TMEM232: variants seen among roughly 807,000 people sequenced by gnomAD.
TMEM232 encodes the protein transmembrane protein 232.
Under a neutral mutation model 78.8 loss-of-function variants are expected in TMEM232, and 80 were observed. The observed-to-expected ratio is 1.01, with a 90% CI of 0.85 to 1.22. TMEM232 has a LOEUF of 1.22. TMEM232 is among the 50% of genes most tolerant of loss of function. The probability of loss-of-function intolerance (pLI) is 0.00; values close to 1 mark genes in which losing one functional copy is unlikely to be tolerated. For synonymous variants in TMEM232, 297 were observed against 254.3 expected, an observed-to-expected ratio of 1.17 and a Z score of -1.60; for missense variants, 881 against 742.2, an observed-to-expected ratio of 1.19 and a Z score of -2.17.
rs566972481 is a variant in TMEM232 at position 110,732,450 on chromosome 5, A to G, written c.-13+2453T>C. ...TGGGAACAAAAAGAGGTTTAATTGG[A>G]CTTACAGTTCCACATGGCTGCAGAG... On this transcript the variant is annotated intron_variant, in intron 2 of 4. Transcript: ENST00000512886. Among the ~76,000 whole-genome samples, 5 of 152,334 alleles carry G rather than the reference A, an allele frequency of 3.3e-5. No homozygotes were observed. In the East Asian group the frequency reaches 9.6e-4, roughly 29 times the overall value.
intron 1 of TMEM232, among the ~76,000 whole-genome samples, chr5:110,700,866 G>A (rs1795368519): frequency 6.6e-6 from 1 of 151,660 alleles, no homozygotes; most frequent in Non-Finnish European, 1.5e-5. Context: ...TGACACAAGA[G>A]CTACCTTTTC....
chr5:110,400,346 G>A (rs956668011), intron 2 of TMEM232, among the ~76,000 whole-genome samples: 3 of 152,018 alleles, frequency 2.0e-5, no homozygotes, highest in African/African-American at 7.2e-5. Context: ...ATTTTGATGT[G>A]AGAAATACAA....
chr5:110,700,785 GGTAGATAGA>G (rs1561538107), intron 1 of TMEM232, among the ~76,000 whole-genome samples: 18 of 141,878 alleles, frequency 1.3e-4, no homozygotes, highest in South Asian at 6.8e-4. Context: ...TAGATAGATA[GGTAGATAGA>G]TAGATAGATA....
At chr5:110,448,251 A>C (rs1759880871) in intron 12 of TMEM232, among the ~76,000 whole-genome samples, 1 of 152,090 alleles carries the variant, frequency 6.6e-6, no homozygotes, top group Non-Finnish European at 1.5e-5. Context: ...AAGAACTTAG[A>C]ATAAATTACC....
intron 10 of TMEM232, among the ~76,000 whole-genome samples, chr5:110,571,239 A>G (rs1353609490): frequency 2.0e-5 from 3 of 152,062 alleles, no homozygotes; most frequent in South Asian, 2.1e-4. Flanking sequence ...CCTAGCATAT[A>G]GCAAAGTGCC....
chr5:110,691,389 T>C (rs75126523), intron 1 of TMEM232, among the ~76,000 whole-genome samples: 105 of 152,230 alleles, frequency 6.9e-4, no homozygotes, highest in Non-Finnish European at 1.4e-3. Context: ...AAACTGCTAA[T>C]GTGATGAATG....
chr5:110,526,907 T>C (rs1770688764), intron 12 of TMEM232, among the ~76,000 whole-genome samples: 1 of 151,972 alleles, frequency 6.6e-6, no homozygotes, highest in Non-Finnish European at 1.5e-5. Context: ...TGTACTGGAA[T>C]GGAAAAATTT....
At chr5:110,624,178 T>C (rs1784121712) in intron 7 of TMEM232, among the ~76,000 whole-genome samples, 1 of 152,192 alleles carries the variant, frequency 6.6e-6, no homozygotes, top group African/African-American at 2.4e-5. Context: ...GCCAACATAC[T>C]TATATCCTTA....
rs143057691 is a variant in TMEM232, at chr5:110,613,866, A to C, written c.902+4563T>G. Among the ~76,000 whole-genome samples the C allele has an allele frequency of 4.5e-3, 689 of 152,166 alleles. 4 individuals are homozygous for C. The highest frequency in any genetic ancestry group is 0.016 in the African/African-American group (665 of 41,544). On this transcript the variant is annotated intron_variant, in intron 8 of 13. Coordinates refer to ENST00000455884, the MANE Select transcript of TMEM232 (RefSeq NM_001039763.4). ...ACCTATACAGGCCTTTATATAAATA[A>C]ATATTTTGTAAGGAGAAAAGTTGAT...
At position 110,524,351 on chromosome 5, in the gene TMEM232, GAAAGAAAGAAAA is replaced by G. The variant is rs1431869268; in HGVS notation, c.1703+4225_1703+4236del. ...AGGGAGAGAGAAAAAGAAAGAGAAA[GAAAGAAAGAAAA>G]AAAGAAAGAAAGAAAGAAAGAAAGA... On this transcript the variant is annotated intron_variant, in intron 12 of 13. Transcript: ENST00000455884. Among the ~76,000 whole-genome samples the G allele has an allele frequency of 1.9e-3, 176 of 90,440 alleles. 3 individuals carry two copies. The highest frequency in any genetic ancestry group is 1.1e-3 in the Non-Finnish European group (50 of 43,496). The allele number at this position is 90,440 out of a possible 152,430, so 59.3% of individuals were successfully genotyped here.
intron 2 of TMEM232, among the ~76,000 whole-genome samples, chr5:110,651,337 G>A (rs1187124477): frequency 1.3e-5 from 2 of 151,758 alleles, no homozygotes; most frequent in African/African-American, 4.8e-5. Flanking sequence ...GGAACATCAT[G>A]AGGGAGAGAC....
intron 8 of TMEM232, chr5:110,610,648 A>T (rs903365368): frequency 1.4e-4 from 59 of 410,400 alleles, no homozygotes; most frequent in Non-Finnish European, 2.6e-4. Flanking sequence ...CTACTAAATC[A>T]CAAAGATGTT....
intron 1 of TMEM232, among the ~76,000 whole-genome samples, chr5:110,668,654 C>A (rs187053852): frequency 3.4e-4 from 52 of 152,242 alleles, no homozygotes; most frequent in Non-Finnish European, 3.1e-4. Context: ...GAACTCTCCA[C>A]CCCAAATCAA....
intron 2 of TMEM232, among the ~76,000 whole-genome samples, chr5:110,399,775 T>G (rs1755525207): frequency 6.6e-6 from 1 of 152,260 alleles, no homozygotes; most frequent in African/African-American, 2.4e-5. Flanking sequence ...TTATGCAAGT[T>G]TAGATCCAAG....
Position 110,600,476 on chromosome 5 carries a change from G to A in TMEM232, c.1276+4633C>T, listed in dbSNP as rs535611242. Among the ~76,000 whole-genome samples, 8 of 152,116 alleles carry A rather than the reference G, an allele frequency of 5.3e-5. No homozygotes were observed. The East Asian group carries it at 1.4e-3, about 26-fold the overall frequency. ...ATACATGCAATAAAAAATGATAAAG[G>A]GGACATCACCACTGATCCCACAGAA... On this transcript the variant is annotated intron_variant, in intron 10 of 13. Transcript: ENST00000455884.
At chr5:110,610,228 GAAAAAGAA>G (rs1782029845) in intron 8 of TMEM232, among the ~76,000 whole-genome samples, 1 of 7,372 alleles carries the variant, frequency 1.4e-4, no homozygotes, top group African/African-American at 2.6e-4. Context: ...GGGAGGGAGG[GAAAAAGAA>G]AGGAAGGAAG....
intron 10 of TMEM232, among the ~76,000 whole-genome samples, chr5:110,601,428 C>G (rs916834887): frequency 4.6e-5 from 7 of 152,118 alleles, no homozygotes; most frequent in Non-Finnish European, 5.9e-5. Context: ...AAAAACTCCT[C>G]AAGCTGATAA....
intron 8 of TMEM232, among the ~76,000 whole-genome samples, chr5:110,609,517 C>T (rs1485849440): frequency 6.6e-6 from 1 of 151,600 alleles, no homozygotes; most frequent in African/African-American, 2.4e-5. Flanking sequence ...TGAGTTCATT[C>T]TCATCTCTCC....
At chr5:110,400,647 T>G (rs1438180064) in intron 2 of TMEM232, among the ~76,000 whole-genome samples, 1 of 152,088 alleles carries the variant, frequency 6.6e-6, no homozygotes, top group Non-Finnish European at 1.5e-5. Context: ...TCATTGTAAA[T>G]GCAGATATGT....
Sources: gnomAD v4.1 joint callset for allele counts (sites outside exome capture counted in the v4.1 genomes callset) on GRCh38, gnomAD v4.1.1 for gene constraint, MANE v1.5 for transcripts, NCBI Gene and HGNC (gene_info 2026-07-23, HGNC 2026-07-21) for gene names.